The following FHIT variants were observed in gnomAD, a reference collection of about 807,000 sequenced individuals.
The protein encoded by FHIT is fragile histidine triad diadenosine triphosphatase, also known as bis(5'-adenosyl)-triphosphatase.
FHIT carries 19 observed loss-of-function variants against 17.9 expected under a neutral mutation model. The observed-to-expected ratio is 1.06, with a 90% CI of 0.74 to 1.56. The LOEUF (loss-of-function observed/expected upper bound fraction) is 1.56, where lower values mean the gene tolerates loss of function less well. FHIT is among the 40% of genes most tolerant of loss of function. The pLI is 0.00. For missense variants in FHIT, 248 were observed against 189.2 expected (o/e 1.31, Z -1.82); for synonymous variants, 81 against 69.7 (o/e 1.16, Z -0.81).
At chr3:60,241,001 T>C (rs1396569892) in intron 5 of FHIT, among the ~76,000 whole-genome samples, 2 of 152,154 alleles carry the variant, frequency 1.3e-5, no homozygotes, top group African/African-American at 4.8e-5. Flanking sequence ...AACAGATTTG[T>C]AAGAATTTAA....
chr3:60,469,589 A>G (rs2032977027), intron 5 of FHIT, among the ~76,000 whole-genome samples: 1 of 152,004 alleles, frequency 6.6e-6, no homozygotes, highest in Admixed American at 6.6e-5. Flanking sequence ...GCTTCTTCAA[A>G]ACAGCTATTT....
intron 3 of FHIT, among the ~76,000 whole-genome samples, chr3:60,836,064 C>G (rs1477711943): frequency 6.6e-6 from 1 of 152,132 alleles, no homozygotes; most frequent in Non-Finnish European, 1.5e-5. Flanking sequence ...TGCCTTATTG[C>G]ATTGATTAGA....
At position 60,708,555 on chromosome 3, in the gene FHIT, C is replaced by T. The variant is rs146057463; in HGVS notation, c.-18+113364G>A. 6.4e-3 allele frequency among the ~76,000 whole-genome samples: 967 copies of T among 152,244 alleles called. 9 individuals carry two copies. Among genetic ancestry groups the T allele is most frequent in the African/African-American group, 0.021 (859 of 41,544 alleles). ...TGAAAAAGGCGAATGTAGTGAAACCCTATCCTGTAATTGGCAAACCTTTTA... is the reference window on the plus strand; with the variant it reads ...TGAAAAAGGCGAATGTAGTGAAACCTTATCCTGTAATTGGCAAACCTTTTA... On this transcript the variant is annotated intron_variant, in intron 4 of 9. Coordinates refer to ENST00000492590, the MANE Select transcript of FHIT (RefSeq NM_002012.4).
intron 3 of FHIT, among the ~76,000 whole-genome samples, chr3:60,957,844 C>G (rs1709243607): frequency 6.6e-6 from 1 of 152,258 alleles, no homozygotes; most frequent in Non-Finnish European, 1.5e-5. Flanking sequence ...CTATTTATCT[C>G]TTCCACATAG....
Position 60,760,601 on chromosome 3 carries a change from G to A in FHIT, c.-18+61318C>T, listed in dbSNP as rs992557085. ...TTTCCTGCTCCCGTCAGCTTAAAAC[G>A]AAAAGTTTCTCTACTTAGCCCATGA... On this transcript the variant is annotated intron_variant, in intron 4 of 9. Transcript: ENST00000492590. Among the ~76,000 whole-genome samples the A allele has an allele frequency of 8.5e-5, 13 of 152,048 alleles. No individual in the cohort carries two copies. In the East Asian group the frequency reaches 9.7e-4, roughly 11 times the overall value.
rs570046612 is a variant in FHIT at position 60,796,159 on chromosome 3, C to G, written c.-18+25760G>C. 6.6e-5 allele frequency among the ~76,000 whole-genome samples: 10 copies of G among 152,208 alleles called. No individual in the cohort carries two copies. In the South Asian group the frequency reaches 2.1e-3, roughly 32 times the overall value. The stretch of plus-strand genomic sequence containing the variant: ...AGCCCCCATGATTCAATTACCTCCC[C>G]CTAGGTACCTCCCACAACACGTGGG... On this transcript the variant is annotated intron_variant, in intron 4 of 9. Coordinates refer to ENST00000492590, the MANE Select transcript of FHIT (RefSeq NM_002012.4).
At chr3:60,847,454 C>T (rs1475610981) in intron 3 of FHIT, among the ~76,000 whole-genome samples, 10 of 152,016 alleles carry the variant, frequency 6.6e-5, no homozygotes, top group African/African-American at 2.2e-4. Context: ...GAAGATTGGA[C>T]CCCTGACTGG....
At chr3:60,847,856 T>C (rs1453337301) in intron 3 of FHIT, among the ~76,000 whole-genome samples, 1 of 152,144 alleles carries the variant, frequency 6.6e-6, no homozygotes, top group Non-Finnish European at 1.5e-5. Context: ...CCCTCCAGGG[T>C]ATTTCTTTAT....
intron 7 of FHIT, among the ~76,000 whole-genome samples, chr3:59,982,865 C>T (rs1708715040): frequency 6.6e-6 from 1 of 152,146 alleles, no homozygotes; most frequent in Non-Finnish European, 1.5e-5. Flanking sequence ...GGCATAATTA[C>T]TAAATCCAAA....
intron 5 of FHIT, among the ~76,000 whole-genome samples, chr3:60,226,187 T>C (rs1319746318): frequency 6.6e-6 from 1 of 151,970 alleles, no homozygotes; most frequent in Non-Finnish European, 1.5e-5. Context: ...TAAAAAGCAC[T>C]GTTGGCTGGG....
At chr3:60,639,607 T>C (rs999735218) in intron 4 of FHIT, among the ~76,000 whole-genome samples, 4 of 152,152 alleles carry the variant, frequency 2.6e-5, no homozygotes, top group Non-Finnish European at 5.9e-5. Flanking sequence ...ATTAAATCAA[T>C]ATAACTTGCT....
chr3:60,470,359 A>C (rs2033026133), intron 5 of FHIT, among the ~76,000 whole-genome samples: 1 of 151,896 alleles, frequency 6.6e-6, no homozygotes, highest in South Asian at 2.1e-4. Flanking sequence ...CACGGCCTGG[A>C]GTTGGGAAAT....
At chr3:61,202,521 A>C (rs1004006968) in intron 1 of FHIT, among the ~76,000 whole-genome samples, 1 of 151,980 alleles carries the variant, frequency 6.6e-6, no homozygotes, top group Non-Finnish European at 1.5e-5. Context: ...AAAAAAAAAA[A>C]AGAGAGAGAG....
chr3:61,102,223 C>T (rs758309463), intron 2 of FHIT, among the ~76,000 whole-genome samples: 2 of 152,034 alleles, frequency 1.3e-5, no homozygotes, highest in South Asian at 2.1e-4. Context: ...TTTTGAGATA[C>T]GTTCCATTAA....
intron 3 of FHIT, among the ~76,000 whole-genome samples, chr3:60,867,933 A>G (rs1383878402): frequency 6.6e-6 from 1 of 152,166 alleles, no homozygotes; most frequent in Non-Finnish European, 1.5e-5. Context: ...TCTCCTAACT[A>G]AAACAGAGAT....
chr3:61,203,887 T>A (rs1332632006), intron 1 of FHIT, among the ~76,000 whole-genome samples: 1 of 152,232 alleles, frequency 6.6e-6, no homozygotes, highest in Non-Finnish European at 1.5e-5. Context: ...CACAGAGATT[T>A]GTACAATGTT....
intron 7 of FHIT, among the ~76,000 whole-genome samples, chr3:59,956,695 A>T (rs189422043): frequency 2.7e-3 from 414 of 152,286 alleles, no homozygotes; most frequent in African/African-American, 9.3e-3. Flanking sequence ...TCTCCTTAGT[A>T]AAACTATGTA....
chr3:60,480,360 G>T (rs1055759120), intron 5 of FHIT, among the ~76,000 whole-genome samples: 10 of 152,224 alleles, frequency 6.6e-5, no homozygotes, highest in African/African-American at 2.4e-4. Context: ...TCCAGTGCTG[G>T]TCCCTCTCAA....
At chr3:60,087,948 T>C (rs1434333356) in intron 5 of FHIT, among the ~76,000 whole-genome samples, 1 of 152,192 alleles carries the variant, frequency 6.6e-6, no homozygotes, top group African/African-American at 2.4e-5. Context: ...TCACTGAGGC[T>C]GTGTAATTTA....
Sources: allele counts gnomAD v4.1 joint callset (sites outside exome capture counted in the v4.1 genomes callset), GRCh38; gene constraint gnomAD v4.1.1; transcripts MANE v1.5; gene names NCBI Gene and HGNC (gene_info 2026-07-23, HGNC 2026-07-21).